Variants in TTC34 observed in about 807,000 individuals in gnomAD.
TTC34 encodes tetratricopeptide repeat protein 34.
TTC34 carries 44 observed loss-of-function variants against 40.7 expected under a neutral mutation model. That is an observed-to-expected ratio of 1.08 (90% CI 0.85 to 1.39). The LOEUF (loss-of-function observed/expected upper bound fraction) is 1.39. Ranked by LOEUF, TTC34 falls within the 40% of genes most tolerant of loss-of-function variation. The pLI is 0.00. For synonymous variants in TTC34, 422 were observed against 398.6 expected, an observed-to-expected ratio of 1.06 and a Z score of -0.70; for missense variants, 884 against 838.0, an observed-to-expected ratio of 1.05 and a Z score of -0.68.
intron 6 of TTC34, among the ~76,000 whole-genome samples, chr1:2,752,481 A>G (rs1641354961): frequency 1.4e-5 from 2 of 147,316 alleles, no homozygotes; most frequent in East Asian, 2.0e-4. Flanking sequence ...AGCCTGGAAC[A>G]GCACCCACAC....
chr1:2,652,530 G>A (rs866142107), intron 6 of TTC34, among the ~76,000 whole-genome samples: 12 of 135,976 alleles, frequency 8.8e-5, no homozygotes, highest in South Asian at 7.2e-4. Flanking sequence ...CACACCTCCA[G>A]GCGAGCATTG....
chr1:2,795,131 G>C (rs1015249970), intron 2 of TTC34, among the ~76,000 whole-genome samples: 1 of 151,852 alleles, frequency 6.6e-6, no homozygotes, highest in African/African-American at 2.4e-5. Context: ...TGTACCTATA[G>C]TCCCAGCTAC....
At chr1:2,759,498 A>T (rs1641621012) in intron 6 of TTC34, among the ~76,000 whole-genome samples, 1 of 109,658 alleles carries the variant, frequency 9.1e-6, no homozygotes, top group Non-Finnish European at 1.9e-5. Context: ...AGCATCGGGC[A>T]GCCTGGAGCA....
At chr1:2,684,652 C>T (rs865828616) in intron 6 of TTC34, among the ~76,000 whole-genome samples, 11 of 64,866 alleles carry the variant, frequency 1.7e-4, no homozygotes, top group East Asian at 5.9e-4. Context: ...GGTGAGCATC[C>T]GACAGCCTGG....
intron 6 of TTC34, among the ~76,000 whole-genome samples, chr1:2,748,593 A>G (rs1641221663): frequency 6.6e-6 from 1 of 150,476 alleles, no homozygotes. Flanking sequence ...CTGGAGCAGC[A>G]CCCACACCCC....
chr1:2,687,362 C>A (rs28574957), intron 6 of TTC34, among the ~76,000 whole-genome samples: 1,988 of 14,042 alleles, frequency 0.14, 75 homozygotes, highest in South Asian at 0.18. Flanking sequence ...AGCAGCACCC[C>A]CACCCCCAGG....
At chr1:2,784,991 G>GGGCCA (rs1643559323) in intron 5 of TTC34, among the ~76,000 whole-genome samples, 9 of 136,476 alleles carry the variant, frequency 6.6e-5, no homozygotes, top group Admixed American at 4.3e-4. Context: ...GCTCTGGGCT[G>GGGCCA]CTCTGGGCCG....
Position 2,655,709 on chromosome 1 carries a change from C to G in TTC34, c.2227-10146G>C, listed in dbSNP as rs1394870470. ...GCACCCTGCACCCCCAGGTGAGCAT[C>G]CAAAAGCCTGGAGCAGCACCCACAC... On this transcript the variant is annotated intron_variant, in intron 6 of 8. Coordinates refer to ENST00000401095, the Ensembl canonical transcript of TTC34. Among the ~76,000 whole-genome samples the G allele has an allele frequency of 6.3e-3, 930 of 147,908 alleles. 2 individuals carry two copies. The highest frequency in any genetic ancestry group is 8.7e-3 in the Non-Finnish European group (579 of 66,442).
intron 6 of TTC34, among the ~76,000 whole-genome samples, chr1:2,686,729 GCGAGCATC>G (rs1640370448): frequency 6.9e-6 from 1 of 145,084 alleles, no homozygotes; most frequent in Admixed American, 6.9e-5. Context: ...ACACCCCCAG[GCGAGCATC>G]TGACAGCCTG....
chr1:2,673,426 A>T (rs1399532002), intron 6 of TTC34, among the ~76,000 whole-genome samples: 2 of 77,438 alleles, frequency 2.6e-5, no homozygotes, highest in Non-Finnish European at 6.1e-5. Flanking sequence ...GTTTGCGGCA[A>T]CACTGACACC....
chr1:2,788,440 T>A (rs1643621140), intron 3 of TTC34, among the ~76,000 whole-genome samples: 1 of 151,686 alleles, frequency 6.6e-6, no homozygotes, highest in East Asian at 1.9e-4. Flanking sequence ...GTGTGTTGTG[T>A]GTGTGCCTTG....
At chr1:2,683,430 C>CAA (rs1640170610) in intron 6 of TTC34, among the ~76,000 whole-genome samples, 1 of 131,280 alleles carries the variant, frequency 7.6e-6, no homozygotes. Flanking sequence ...CACCACCCTT[C>CAA]ACCCCCAGGT....
At chr1:2,698,485 A>C (rs1640971198) in intron 6 of TTC34, among the ~76,000 whole-genome samples, 1 of 120,930 alleles carries the variant, frequency 8.3e-6, no homozygotes, top group African/African-American at 3.4e-5. Context: ...CAGCACCCAC[A>C]CTCCCAGGCG....
At chr1:2,760,085 CA>C (rs1641646514) in intron 6 of TTC34, among the ~76,000 whole-genome samples, 1 of 90,072 alleles carries the variant, frequency 1.1e-5, no homozygotes, top group East Asian at 3.2e-4. Flanking sequence ...CCCACACCCC[CA>C]GGTTAGCATC....
At chr1:2,698,300 G>C (rs1569643473) in intron 6 of TTC34, among the ~76,000 whole-genome samples, 1 of 52,950 alleles carries the variant, frequency 1.9e-5, no homozygotes, top group African/African-American at 5.1e-5. Context: ...CGGTGCGCAC[G>C]TGACAGCCTG....
At chr1:2,769,783 C>G (rs1001338162) in intron 6 of TTC34, among the ~76,000 whole-genome samples, 2 of 60,782 alleles carry the variant, frequency 3.3e-5, no homozygotes, top group Non-Finnish European at 7.9e-5. Context: ...CGTGGAGCAG[C>G]GCCCACACCC....
At chr1:2,651,626 A>C (rs569325482) in intron 6 of TTC34, among the ~76,000 whole-genome samples, 3 of 151,228 alleles carry the variant, frequency 2.0e-5, no homozygotes, top group African/African-American at 7.3e-5. Flanking sequence ...ACAGCTTGGA[A>C]CATCACCCTG....
chr1:2,655,105 C>A (rs796675333), intron 6 of TTC34, among the ~76,000 whole-genome samples: 84 of 118,812 alleles, frequency 7.1e-4, no homozygotes, highest in Admixed American at 1.2e-3. Context: ...CCCAGGTGAG[C>A]ATCCAACAGC....
chr1:2,681,917 C>T (rs1243965213), intron 6 of TTC34, among the ~76,000 whole-genome samples: 3 of 115,590 alleles, frequency 2.6e-5, no homozygotes, highest in African/African-American at 3.4e-5. Context: ...ACCAGGTGCG[C>T]ATGTGACAGC....
Sources: allele counts gnomAD v4.1 joint callset (sites outside exome capture counted in the v4.1 genomes callset), GRCh38; gene constraint gnomAD v4.1.1; transcripts MANE v1.5; gene names NCBI Gene and HGNC (gene_info 2026-07-23, HGNC 2026-07-21).